CAPZA2: variants seen among roughly 807,000 people sequenced by gnomAD.
The protein encoded by CAPZA2 is F-actin-capping protein subunit alpha-2.
Under a neutral mutation model 44.0 loss-of-function variants are expected in CAPZA2, and 13 were observed. The observed-to-expected ratio is 0.30, with a 90% CI of 0.19 to 0.47. CAPZA2 has a LOEUF of 0.47. Ranked by LOEUF, CAPZA2 falls within the 20% of genes least tolerant of loss-of-function variation. CAPZA2 has a pLI of 1.00. For missense variants in CAPZA2, 244 were observed against 338.6 expected (o/e 0.72, Z 2.19); for synonymous variants, 94 against 108.2 (o/e 0.87, Z 0.81).
At chr7:116,865,451 G>T (rs1156286274) in intron 1 of CAPZA2, among the ~76,000 whole-genome samples, 8 of 152,124 alleles carry the variant, frequency 5.3e-5, no homozygotes, top group Admixed American at 5.2e-4. Context: ...CTCCCAAAGT[G>T]CTGGGATTAC....
At chr7:116,886,924 C>T (rs1398148983) in intron 1 of CAPZA2, among the ~76,000 whole-genome samples, 1 of 152,188 alleles carries the variant, frequency 6.6e-6, no homozygotes, top group Non-Finnish European at 1.5e-5. Flanking sequence ...AGTGATTAAT[C>T]TCTTTATCAA....
At position 116,912,160 on chromosome 7, in the gene CAPZA2, A is replaced by G. The variant is rs745797296; in HGVS notation, c.657+20A>G. ...GTGTCTGTAAGTAATTAATTCCACA[A>G]TAAAATTTAACCTAATACTTCTGTA... is the stretch of plus-strand genomic sequence containing the variant. On this transcript the variant is annotated intron_variant, in intron 8 of 9. Transcript: ENST00000361183. The G allele has an allele frequency of 2.5e-5, 40 of 1,610,050 alleles. No individual in the cohort carries two copies. The highest frequency in any genetic ancestry group is 3.4e-6 in the Non-Finnish European group (4 of 1,178,282).
rs775586961 is a variant in CAPZA2, at chr7:116,898,809, G to A, written c.193G>A (p.Val65Ile). The change falls in exon 4 of 10, where the codon GTA becomes ATA. Residue 65 changes from valine (V) to isoleucine (I), a missense_variant. Transcript: ENST00000361183. ...AQYNLDQFTP[V>I]KIEGYEDQVL... is the part of the protein sequence containing the mutation. ...GTATAACTTGGACCAGTTTACTCCA[G>A]TAAAAATTGAAGGTTATGAAGATCA... The A allele has an allele frequency of 1.9e-6, 3 of 1,598,980 alleles. No homozygotes were observed. Among genetic ancestry groups the A allele is most frequent in the East Asian group, 4.5e-5 (2 of 44,618 alleles).
At chr7:116,878,960 T>A (rs1796654224) in intron 1 of CAPZA2, among the ~76,000 whole-genome samples, 2 of 151,870 alleles carry the variant, frequency 1.3e-5, no homozygotes, top group Admixed American at 6.6e-5. Flanking sequence ...ACCCCATCTC[T>A]GCTAAAAATA....
intron 6 of CAPZA2, 86 bp downstream of exon 6, chr7:116,906,428 G>C: frequency 6.6e-7 from 1 of 1,516,560 alleles, no homozygotes. Context: ...GCTACACCTT[G>C]TTTGTTTATG....
chr7:116,916,888 A>G (rs963748257), intron 9 of CAPZA2, among the ~76,000 whole-genome samples: 13 of 152,322 alleles, frequency 8.5e-5, no homozygotes, highest in South Asian at 4.1e-4. Context: ...TCAGTTAGGG[A>G]TGCTCAACCT....
At chr7:116,894,971 C>A (rs1334048739) in intron 3 of CAPZA2, among the ~76,000 whole-genome samples, 1 of 152,046 alleles carries the variant, frequency 6.6e-6, no homozygotes, top group Non-Finnish European at 1.5e-5. Flanking sequence ...TGTAGTTTAT[C>A]CTTTTGGTTT....
chr7:116,899,997 C>CA (rs1796974626), intron 4 of CAPZA2, among the ~76,000 whole-genome samples: 1 of 151,090 alleles, frequency 6.6e-6, no homozygotes, highest in Admixed American at 6.6e-5. Context: ...TACAGAAATG[C>CA]AAAAATGGTT....
At chr7:116,872,799 C>T (rs1354089515) in intron 1 of CAPZA2, among the ~76,000 whole-genome samples, 3 of 152,152 alleles carry the variant, frequency 2.0e-5, no homozygotes, top group East Asian at 1.9e-4. Context: ...TTTGGTGTTA[C>T]ATTTTCTTGA....
intron 4 of CAPZA2, among the ~76,000 whole-genome samples, chr7:116,900,239 TTAGC>T (rs1796979106): frequency 6.6e-6 from 1 of 151,922 alleles, no homozygotes; most frequent in Admixed American, 6.6e-5. Flanking sequence ...AAATGTAAAA[TTAGC>T]TAGGTATGCC....
chr7:116,914,013 A>T (rs565165317), intron 8 of CAPZA2, among the ~76,000 whole-genome samples: 2 of 150,916 alleles, frequency 1.3e-5, no homozygotes, highest in Non-Finnish European at 2.9e-5. Context: ...CAATTTACAG[A>T]TATTAAAGAA....
At chr7:116,863,614 G>A (rs551595672) in intron 1 of CAPZA2, among the ~76,000 whole-genome samples, 1 of 152,300 alleles carries the variant, frequency 6.6e-6, no homozygotes, top group South Asian at 2.1e-4. Flanking sequence ...GAGGGTGGTG[G>A]GGTAGGGGAG....
chr7:116,864,611 T>G (rs1796457786), intron 1 of CAPZA2, among the ~76,000 whole-genome samples: 1 of 152,296 alleles, frequency 6.6e-6, no homozygotes, highest in African/African-American at 2.4e-5. Context: ...AACGTTCTTG[T>G]CACTTGAGAT....
chr7:116,893,058 T>C lies in CAPZA2; in HGVS notation c.155+13T>C. 6.4e-7 allele frequency: 1 copy of C among 1,552,054 alleles called. No homozygotes were observed. Among genetic ancestry groups the C allele is most frequent in the Non-Finnish European group, 8.8e-7 (1 of 1,130,812 alleles). ...AAGGAGCAGCCCAGTAAGTATTATTTATCATACTAACCTAACTAAAATGAC... is the reference window on the plus strand; with the variant it reads ...AAGGAGCAGCCCAGTAAGTATTATTCATCATACTAACCTAACTAAAATGAC... On this transcript the variant is annotated intron_variant, in intron 3 of 9. Transcript: ENST00000361183.
At chr7:116,906,032 T>C (rs1791495618) in intron 5 of CAPZA2, among the ~76,000 whole-genome samples, 1 of 152,244 alleles carries the variant, frequency 6.6e-6, no homozygotes, top group Non-Finnish European at 1.5e-5. Context: ...CAATTAATTT[T>C]AATGAATTGT....
chr7:116,872,853 A>C (rs1796569721), intron 1 of CAPZA2, among the ~76,000 whole-genome samples: 1 of 152,232 alleles, frequency 6.6e-6, no homozygotes, highest in South Asian at 2.1e-4. Context: ...AAGACTAGAC[A>C]CTTCAAATTT....
chr7:116,906,749 G>A (rs1248191881), intron 6 of CAPZA2: 1 of 158,014 alleles, frequency 6.3e-6, no homozygotes, highest in African/African-American at 2.4e-5. Flanking sequence ...GGATTGCTTT[G>A]TACTTGGTTA....
chr7:116,879,860 T>G (rs1000846418), intron 1 of CAPZA2, among the ~76,000 whole-genome samples: 11 of 152,302 alleles, frequency 7.2e-5, no homozygotes, highest in South Asian at 4.1e-4. Flanking sequence ...TATTCGTGCT[T>G]ATAGATTTAT....
At chr7:116,873,443 T>C (rs1017221999) in intron 1 of CAPZA2, 4 of 152,260 alleles carry the variant, frequency 2.6e-5, no homozygotes, top group African/African-American at 9.7e-5. Context: ...TTTTTGTTAG[T>C]TTACCATTTT....
Sources: allele counts gnomAD v4.1 joint callset (sites outside exome capture counted in the v4.1 genomes callset), GRCh38; gene constraint gnomAD v4.1.1; transcripts MANE v1.5; gene names NCBI Gene and HGNC (gene_info 2026-07-23, HGNC 2026-07-21).